Variants in VWA5B1 observed in about 807,000 individuals in gnomAD.
VWA5B1 encodes von Willebrand factor A domain-containing protein 5B1.
A neutral mutation model predicts 118.2 loss-of-function variants in VWA5B1; 115 were observed. That is an observed-to-expected ratio of 0.97 (90% CI 0.84 to 1.14). The LOEUF is 1.14. VWA5B1 is among the 50% of genes most tolerant of loss of function. The pLI is 0.00. For missense variants in VWA5B1, 1,596 were observed against 1,603.8 expected (o/e 1.00, Z 0.08); for synonymous variants, 682 against 658.4 (o/e 1.04, Z -0.55).
intron 18 of VWA5B1, 66 bp downstream of exon 18, chr1:20,348,424 C>T (rs1273192454): frequency 6.7e-7 from 1 of 1,492,986 alleles, no homozygotes; most frequent in African/African-American, 1.4e-5. Context: ...CCTGAGGTTA[C>T]CGCGTCCTCC....
chr1:20,330,793 C>T, intron 10 of VWA5B1, 76 bp from the exon 11 acceptor site: 2 of 1,391,600 alleles, frequency 1.4e-6, no homozygotes, highest in Non-Finnish European at 1.0e-6. Context: ...AGACCATGCT[C>T]TGTCCCTTTC....
rs2090283123 is a variant in VWA5B1, at chr1:20,359,364, ATGGAAGCCC to A, written c.*5106_*5114del. Among the ~76,000 whole-genome samples the A allele has an allele frequency of 6.6e-6, 1 of 152,110 alleles. No homozygotes were observed. Among genetic ancestry groups the A allele is most frequent in the Non-Finnish European group, 1.5e-5 (1 of 68,032 alleles). On this transcript the variant is annotated 3_prime_UTR_variant, in exon 22 of 22. Transcript: ENST00000289815. Reference sequence around the variant, plus strand: ...CCTGGTAGCCAATTACATAGATGTCATGGAAGCCCTGGATGTCAGCCGTCTAATGTCCAC... The same window carrying A: ...CCTGGTAGCCAATTACATAGATGTCATGGATGTCAGCCGTCTAATGTCCAC...
intron 1 of VWA5B1, among the ~76,000 whole-genome samples, chr1:20,300,766 C>T (rs553494740): frequency 1.3e-5 from 2 of 152,190 alleles, no homozygotes; most frequent in Admixed American, 1.3e-4. Context: ...TTTTAGGCAC[C>T]GTTCCATGTG....
In VWA5B1 at chr1:20,356,699, T is replaced by C. The variant is rs2090236164; in HGVS notation, c.*2436T>C. On this transcript the variant is annotated 3_prime_UTR_variant, in exon 22 of 22. Coordinates refer to ENST00000289815, the MANE Select transcript of VWA5B1 (RefSeq NM_001039500.3). The stretch of plus-strand genomic sequence containing the variant: ...CGGCCACTGGAGCTCTGCAACATGT[T>C]TGAGGCCCAAGAAAACTGCTGATCT... Among the ~76,000 whole-genome samples the C allele has an allele frequency of 6.6e-6, 1 of 152,222 alleles. No individual in the cohort carries two copies. Among genetic ancestry groups the C allele is most frequent in the Non-Finnish European group, 1.5e-5 (1 of 68,036 alleles).
At chr1:20,343,852 A>C (rs1557443230) in intron 16 of VWA5B1, among the ~76,000 whole-genome samples, 1 of 50,500 alleles carries the variant, frequency 2.0e-5, no homozygotes, top group African/African-American at 8.7e-5. Context: ...CTGCCCGCCC[A>C]CTCGCCTCTC....
chr1:20,348,631 G>C (rs574539644), intron 18 of VWA5B1, among the ~76,000 whole-genome samples: 6 of 152,284 alleles, frequency 3.9e-5, no homozygotes, highest in Non-Finnish European at 7.4e-5. Context: ...CTCCCCTTCT[G>C]AGGTCTGCTG....
chr1:20,315,197 G>A (rs1444820153), intron 4 of VWA5B1, among the ~76,000 whole-genome samples: 1 of 152,200 alleles, frequency 6.6e-6, no homozygotes, highest in Non-Finnish European at 1.5e-5. Context: ...AGAGAAGAGC[G>A]TTCTCGTGGG....
In VWA5B1 at chr1:20,343,100, C is replaced by G; in HGVS notation, c.2333C>G (p.Ala778Gly). 2 of 1,529,870 alleles carry G rather than the reference C, an allele frequency of 1.3e-6. No homozygotes were observed. The highest frequency in any genetic ancestry group is 1.8e-6 in the Non-Finnish European group (2 of 1,133,012). The allele number at this position is 1,529,870 out of a possible 1,614,324, so 94.8% of individuals were successfully genotyped here. A position where few individuals can be genotyped will look rare whatever the true frequency, so the allele number is the denominator to read the frequency against. The change falls in exon 16 of 22, where the codon GCC becomes GGC. Residue 778 changes from alanine (A) to glycine (G), a missense_variant. Transcript: ENST00000289815. ...GCAGAGCCGTCCCACCATCCCTCTG[C>G]CTTCGAGACAGAGACGTCCTCGGAC... ...GDLEPSHHPSAFETETSSDWD... is the reference protein window; with the variant it reads ...GDLEPSHHPSGFETETSSDWD...
Position 20,354,345 on chromosome 1 carries a change from C to T in VWA5B1, c.*82C>T. 6.9e-7 allele frequency: 1 copy of T among 1,440,674 alleles called. No individual in the cohort carries two copies. The highest frequency in any genetic ancestry group is 9.2e-7 in the Non-Finnish European group (1 of 1,085,444). The allele number at this position is 1,440,674 out of a possible 1,614,324, so 89.2% of individuals were successfully genotyped here. On this transcript the variant is annotated 3_prime_UTR_variant, in exon 22 of 22. Coordinates refer to ENST00000289815, the MANE Select transcript of VWA5B1 (RefSeq NM_001039500.3). ...GCCATGTCGGCCTGGTTTCGGGGAG[C>T]TTTTGGAGCTGTAACTAATATTTCA...
At chr1:20,304,075 C>T (rs927983087) in intron 1 of VWA5B1, among the ~76,000 whole-genome samples, 6 of 152,184 alleles carry the variant, frequency 3.9e-5, no homozygotes, top group African/African-American at 1.4e-4. Context: ...CTCCTCCAAA[C>T]CAAGCACAGT....
At position 20,329,533 on chromosome 1, in the gene VWA5B1, T is replaced by A. The variant is rs1014872174; in HGVS notation, c.1255-647T>A. Among the ~76,000 whole-genome samples the A allele has an allele frequency of 1.1e-4, 16 of 152,240 alleles. No homozygotes were observed. In the East Asian group the frequency reaches 1.5e-3, roughly 15 times the overall value. ...CATTTTGGCCAGGCTGGTCTCGAAT[T>A]CCTGACCTCAAGTGATCCACCTGCC... On this transcript the variant is annotated intron_variant, in intron 9 of 21. Coordinates refer to ENST00000289815, the MANE Select transcript of VWA5B1 (RefSeq NM_001039500.3).
chr1:20,303,568 C>T (rs772135220), intron 1 of VWA5B1, among the ~76,000 whole-genome samples: 6 of 152,082 alleles, frequency 3.9e-5, no homozygotes, highest in Non-Finnish European at 8.8e-5. Context: ...CTCAAGAATA[C>T]GCAAAATGTG....
intron 7 of VWA5B1, among the ~76,000 whole-genome samples, chr1:20,319,787 G>T (rs181221621): frequency 2.6e-5 from 4 of 152,316 alleles, no homozygotes; most frequent in African/African-American, 9.6e-5. Context: ...TATGGTGGCA[G>T]AATGGCCTTG....
intron 8 of VWA5B1, 115 bp downstream of exon 8, chr1:20,323,647 A>G (rs777828853): frequency 1.7e-6 from 2 of 1,146,316 alleles, no homozygotes; most frequent in Non-Finnish European, 2.3e-6. Context: ...TTTAAAAATC[A>G]GTTTAAACAG....
Position 20,323,419 on chromosome 1 carries a change from T to C in VWA5B1, c.1030T>C (p.Phe344Leu), listed in dbSNP as rs951676869. Residue 344 changes from phenylalanine to leucine, a missense_variant, in exon 8 of 22, where the codon TTC (phenylalanine) becomes CTC (leucine). Phe to Leu is a conservative substitution (Grantham distance 22, BLOSUM62 0). Coordinates refer to ENST00000289815, the MANE Select transcript of VWA5B1 (RefSeq NM_001039500.3). ...CCACCACTCCGTCATCATGCTCAACTTCTGTCCCGACCTCCAGTCAGTCCA... is the reference window on the plus strand; with the variant it reads ...CCACCACTCCGTCATCATGCTCAACCTCTGTCCCGACCTCCAGTCAGTCCA... ...IPHHSVIMLN[F>L]CPDLQSVQPC... 79 of 1,534,938 alleles carry C rather than the reference T, an allele frequency of 5.1e-5. No homozygotes were observed. Among genetic ancestry groups the C allele is most frequent in the Non-Finnish European group, 6.5e-5 (74 of 1,139,928 alleles).
chr1:20,353,907 A>C lies in VWA5B1; in HGVS notation c.3292A>C (p.Ser1098Arg). 6.5e-7 allele frequency: 1 copy of C among 1,548,670 alleles called. No homozygotes were observed. Among genetic ancestry groups the C allele is most frequent in the Non-Finnish European group, 8.7e-7 (1 of 1,145,158 alleles). ...TTRPSESKTP[S>R]PQLCTSSPPR... ...CCGCCCGTCTGAGTCCAAGACCCCGAGTCCCCAGCTGTGCACCAGCTCCCC... is the reference window on the plus strand; with the variant it reads ...CCGCCCGTCTGAGTCCAAGACCCCGCGTCCCCAGCTGTGCACCAGCTCCCC... Residue 1098 changes from serine (S) to arginine (R), a missense_variant, in exon 22 of 22, where the codon AGT becomes CGT. By Grantham distance (110) the Ser-to-Arg change is moderately radical. Transcript: ENST00000289815.
rs550246129 is a variant in VWA5B1, at chr1:20,323,495, G to A, written c.1106G>A (p.Ser369Asn). 14 of 1,522,444 alleles carry A rather than the reference G, an allele frequency of 9.2e-6. No homozygotes were observed. In the Admixed American group the frequency reaches 2.1e-4, roughly 23 times the overall value. The allele number at this position is 1,522,444 out of a possible 1,614,324, so 94.3% of individuals were successfully genotyped here. A position where few individuals can be genotyped will look rare whatever the true frequency, so the allele number is the denominator to read the frequency against. Residue 369 changes from serine to asparagine, a missense_variant, in exon 8 of 22, where the codon AGC becomes AAC. By Grantham distance (46) the Ser-to-Asn change is conservative (BLOSUM62 1). Coordinates refer to ENST00000289815, the MANE Select transcript of VWA5B1 (RefSeq NM_001039500.3). ...GAGTTCATCTTCCTCATTGACAGGA[G>A]CAGCAGCATGAGCGGGATCAGCATG... Reference protein sequence around the residue: ...HGEFIFLIDRSSSMSGISMHR... With the variant: ...HGEFIFLIDRNSSMSGISMHR...
At chr1:20,312,005 A>T (rs571241584) in intron 2 of VWA5B1, among the ~76,000 whole-genome samples, 3 of 152,182 alleles carry the variant, frequency 2.0e-5, no homozygotes, top group Non-Finnish European at 4.4e-5. Context: ...CATTTTACAG[A>T]TGAGGAAACT....
At chr1:20,298,793 C>T (rs1200536914) in intron 1 of VWA5B1, among the ~76,000 whole-genome samples, 1 of 152,094 alleles carries the variant, frequency 6.6e-6, no homozygotes, top group Non-Finnish European at 1.5e-5. Flanking sequence ...GCTTCCTTGT[C>T]CCTGGTTGGT....
Sources: allele counts gnomAD v4.1 joint callset (sites outside exome capture counted in the v4.1 genomes callset), GRCh38; gene constraint gnomAD v4.1.1; transcripts MANE v1.5; gene names NCBI Gene and HGNC (gene_info 2026-07-23, HGNC 2026-07-21).